Variants in WDR7 observed in about 807,000 individuals in gnomAD.
The protein encoded by WDR7 is WD repeat-containing protein 7.
In WDR7, 46 loss-of-function variants were observed where a neutral mutation model predicts 169.4. That is an observed-to-expected ratio of 0.27 (90% CI 0.21 to 0.35). The LOEUF (loss-of-function observed/expected upper bound fraction) is 0.35, where lower values mean the gene tolerates loss of function less well. Among genes scored for constraint, WDR7 ranks in the 10% least tolerant of loss-of-function variants. The pLI is 1.00. For synonymous variants in WDR7, 612 were observed against 666.8 expected, an observed-to-expected ratio of 0.92 and a Z score of 1.27; for missense variants, 1,534 against 1,859.3, an observed-to-expected ratio of 0.83 and a Z score of 3.22.
chr18:56,806,946 T>C (rs1416363676), intron 19 of WDR7, among the ~76,000 whole-genome samples: 1 of 152,132 alleles, frequency 6.6e-6, no homozygotes, highest in Non-Finnish European at 1.5e-5. Flanking sequence ...GTTACTCAGA[T>C]CTATCCCACC....
intron 22 of WDR7, 134 bp downstream of exon 22, chr18:56,924,242 G>A: frequency 9.7e-7 from 1 of 1,031,768 alleles, no homozygotes; most frequent in Non-Finnish European, 1.4e-6. Context: ...TTCAATATGT[G>A]AAGTTTTGAA....
intron 14 of WDR7, among the ~76,000 whole-genome samples, chr18:56,742,427 T>G (rs1414439075): frequency 6.6e-6 from 1 of 152,226 alleles, no homozygotes; most frequent in African/African-American, 2.4e-5. Context: ...GGAGATGAAA[T>G]AATTTATTCT....
chr18:56,805,908 C>G (rs1353499628), intron 19 of WDR7, among the ~76,000 whole-genome samples: 4 of 152,160 alleles, frequency 2.6e-5, no homozygotes, highest in Non-Finnish European at 5.9e-5. Context: ...CCTACCTCTT[C>G]TCACACTGTT....
At chr18:56,719,093 A>ATG (rs1327580173) in intron 13 of WDR7, among the ~76,000 whole-genome samples, 1 of 152,212 alleles carries the variant, frequency 6.6e-6, no homozygotes, top group Non-Finnish European at 1.5e-5. Context: ...TTGCTTTTGC[A>ATG]TGTAACCTTT....
intron 1 of WDR7, among the ~76,000 whole-genome samples, chr18:56,659,856 A>AT (rs551221865): frequency 6.4e-4 from 95 of 148,564 alleles, no homozygotes; most frequent in African/African-American, 2.0e-3. Flanking sequence ...TCACAGCATG[A>AT]TTTTTTTTTT....
chr18:56,857,008 G>C (rs2045731170), intron 20 of WDR7, among the ~76,000 whole-genome samples: 1 of 152,110 alleles, frequency 6.6e-6, no homozygotes, highest in Non-Finnish European at 1.5e-5. Context: ...CTAATTTCCT[G>C]TCAGCTTAAG....
intron 26 of WDR7, among the ~76,000 whole-genome samples, chr18:57,016,169 C>T (rs564978320): frequency 1.1e-4 from 16 of 152,234 alleles, no homozygotes; most frequent in Non-Finnish European, 1.6e-4. Context: ...CTAAAGTCAG[C>T]CACACTGCTT....
chr18:56,788,005 TCTTC>T (rs1183590545), intron 19 of WDR7, among the ~76,000 whole-genome samples: 1 of 152,236 alleles, frequency 6.6e-6, no homozygotes, highest in Non-Finnish European at 1.5e-5. Flanking sequence ...TACACAGCGT[TCTTC>T]CTTCTTTCTC....
intron 20 of WDR7, among the ~76,000 whole-genome samples, chr18:56,850,489 T>G (rs2045625125): frequency 6.6e-6 from 1 of 152,216 alleles, no homozygotes; most frequent in South Asian, 2.1e-4. Flanking sequence ...TGAACTGACC[T>G]TCATTATTTA....
At position 56,816,670 on chromosome 18, in the gene WDR7, G is replaced by A. The variant is rs76114199; in HGVS notation, c.3304+526G>A. Among the ~76,000 whole-genome samples the A allele has an allele frequency of 4.0e-4, 61 of 152,160 alleles. No individual in the cohort carries two copies. In the East Asian group the frequency reaches 0.011, roughly 28 times the overall value. On this transcript the variant is annotated intron_variant, in intron 20 of 27. Transcript: ENST00000254442. ...GTGAAATTTAGGTGAAAAACATAAA[G>A]CAAATTTTAGGAAACTCACACACTA... is the stretch of plus-strand genomic sequence containing the variant.
rs531864281 is a variant in WDR7, at chr18:56,688,700, GC to G, written c.717+1728del. On this transcript the variant is annotated intron_variant, in intron 7 of 27. Transcript: ENST00000254442. ...GCCGAGATTGCGGCACTGCACTCCA[GC>G]CTGGCTGACAGAGCAAGACTCTGTC... is the stretch of plus-strand genomic sequence containing the variant. 2.6e-4 allele frequency among the ~76,000 whole-genome samples: 40 copies of G among 151,792 alleles called. 1 individual carries two copies. The East Asian group carries it at 7.8e-3, about 29-fold the overall frequency.
At chr18:56,931,878 C>G (rs1476951641) in intron 22 of WDR7, among the ~76,000 whole-genome samples, 1 of 152,088 alleles carries the variant, frequency 6.6e-6, no homozygotes, top group Non-Finnish European at 1.5e-5. Flanking sequence ...GGAAATTAGC[C>G]TGACTTCAGG....
chr18:56,792,373 G>A (rs2044503093), intron 19 of WDR7, among the ~76,000 whole-genome samples: 1 of 152,078 alleles, frequency 6.6e-6, no homozygotes, highest in Non-Finnish European at 1.5e-5. Context: ...TATTGGTTGG[G>A]AATTCAGTGG....
chr18:56,743,798 G>C (rs1003135795), intron 14 of WDR7, among the ~76,000 whole-genome samples: 2 of 152,174 alleles, frequency 1.3e-5, no homozygotes, highest in African/African-American at 4.8e-5. Flanking sequence ...TGATCAAGTA[G>C]TGAGAGGAAC....
At chr18:56,864,411 A>G (rs1440646669) in intron 20 of WDR7, among the ~76,000 whole-genome samples, 1 of 151,648 alleles carries the variant, frequency 6.6e-6, no homozygotes, top group Non-Finnish European at 1.5e-5. Flanking sequence ...CTGGCCATAT[A>G]TTTTTGTTTG....
Position 57,020,825 on chromosome 18 carries a change from T to C in WDR7, c.4245T>C (p.Thr1415=). The C allele has an allele frequency of 6.2e-7, 1 of 1,614,154 alleles. No individual in the cohort carries two copies. Among genetic ancestry groups the C allele is most frequent in the Non-Finnish European group, 8.5e-7 (1 of 1,179,988 alleles). The part of the protein sequence containing the change: ...DGRYLATYSN[T]DSHISFWQMN... ...GATATCTTGCCACCTACTCAAACAC[T>C]GACAGCCACATTTCTTTTTGGCAGG... The change falls in exon 27 of 28, where the codon ACT becomes ACC. Residue 1415 remains threonine, a synonymous_variant. Transcript: ENST00000254442.
intron 9 of WDR7, among the ~76,000 whole-genome samples, chr18:56,692,402 A>G (rs770800878): frequency 6.6e-6 from 1 of 151,406 alleles, no homozygotes; most frequent in Non-Finnish European, 1.5e-5. Flanking sequence ...ATTGAGCAGT[A>G]AGAAAGAAGC....
chr18:56,803,995 G>A (rs1385332358), intron 19 of WDR7, among the ~76,000 whole-genome samples: 1 of 152,128 alleles, frequency 6.6e-6, no homozygotes, highest in African/African-American at 2.4e-5. Context: ...ATGAGGTTTT[G>A]CCAAGTTGCT....
Position 56,682,937 on chromosome 18 carries a change from T to C in WDR7, c.520+84T>C, listed in dbSNP as rs2025378038. On this transcript the variant is annotated intron_variant, in intron 5 of 27. Coordinates refer to ENST00000254442, the MANE Select transcript of WDR7 (RefSeq NM_015285.3). ...GAACATTCTACAATTTATCATAAAT[T>C]AATACTTTGGGATATATTCTTCTAT... 17 of 1,393,692 alleles carry C rather than the reference T, an allele frequency of 1.2e-5. No homozygotes were observed. In the South Asian group the frequency reaches 2.1e-4, roughly 17 times the overall value. 86.3% of individuals were successfully genotyped at this position (1,393,692 alleles called of 1,614,324 possible). A position where few individuals can be genotyped will look rare whatever the true frequency, so the allele number is the denominator to read the frequency against.
Sources: gnomAD v4.1 joint callset for allele counts (sites outside exome capture counted in the v4.1 genomes callset) on GRCh38, gnomAD v4.1.1 for gene constraint, MANE v1.5 for transcripts, NCBI Gene and HGNC (gene_info 2026-07-23, HGNC 2026-07-21) for gene names.